Variants in NFIA observed in about 807,000 individuals in gnomAD.
NFIA encodes the protein nuclear factor I A, also known as nuclear factor 1 A-type.
A neutral mutation model predicts 62.8 loss-of-function variants in NFIA; 8 were observed. The observed-to-expected ratio is 0.13, with a 90% CI of 0.07 to 0.23. The LOEUF is 0.23. Among genes scored for constraint, NFIA ranks in the 10% least tolerant of loss-of-function variants. The pLI is 1.00. For missense variants in NFIA, 410 were observed against 642.1 expected (o/e 0.64, Z 3.91); for synonymous variants, 235 against 238.1 (o/e 0.99, Z 0.12).
chr1:61,218,366 G>T (rs1354483201), intron 2 of NFIA, among the ~76,000 whole-genome samples: 1 of 152,200 alleles, frequency 6.6e-6, no homozygotes, highest in African/African-American at 2.4e-5. Flanking sequence ...AGTGGTGTAT[G>T]TTGGAGTATA....
intron 3 of NFIA, among the ~76,000 whole-genome samples, chr1:61,286,703 T>C (rs1658523883): frequency 6.6e-6 from 1 of 152,200 alleles, no homozygotes; most frequent in South Asian, 2.1e-4. Context: ...ATCAGCTGAT[T>C]AATACACATG....
chr1:61,188,898 C>T (rs1046527591), intron 2 of NFIA, among the ~76,000 whole-genome samples: 2 of 152,134 alleles, frequency 1.3e-5, no homozygotes, highest in African/African-American at 4.8e-5. Flanking sequence ...GGTCAAATTA[C>T]TTAGGTACAA....
chr1:61,077,493 A>T (rs1570098377), upstream of NFIA: 2 of 836,240 alleles, frequency 2.4e-6, no homozygotes, highest in Non-Finnish European at 1.7e-6. Flanking sequence ...ACAGCTTTTT[A>T]AAAAATCTCT....
chr1:61,415,653 G>T (rs1198995481), intron 9 of NFIA, among the ~76,000 whole-genome samples: 1 of 152,014 alleles, frequency 6.6e-6, no homozygotes, highest in African/African-American at 2.4e-5. Context: ...ACACAATATT[G>T]GTAAGCATGT....
chr1:61,274,389 C>T (rs186676554), intron 2 of NFIA, among the ~76,000 whole-genome samples: 1 of 152,074 alleles, frequency 6.6e-6, no homozygotes, highest in Non-Finnish European at 1.5e-5. Flanking sequence ...AATTGATAAC[C>T]CTAATGTACT....
At chr1:61,137,607 G>A (rs1398591282) in intron 2 of NFIA, among the ~76,000 whole-genome samples, 2 of 151,954 alleles carry the variant, frequency 1.3e-5, no homozygotes. Context: ...CTCAACCTTG[G>A]CTGCCCATTT....
At chr1:61,175,543 T>G (rs1486270095) in intron 2 of NFIA, among the ~76,000 whole-genome samples, 1 of 152,192 alleles carries the variant, frequency 6.6e-6, no homozygotes, top group Non-Finnish European at 1.5e-5. Context: ...ATTGTTAGGG[T>G]AGAGTACCAA....
chr1:61,126,582 T>C (rs558447020), intron 2 of NFIA, among the ~76,000 whole-genome samples: 19 of 152,154 alleles, frequency 1.2e-4, no homozygotes, highest in African/African-American at 4.1e-4. Context: ...GAAGATACTT[T>C]AGTTTCATCT....
chr1:61,150,738 G>A (rs560085321), intron 2 of NFIA, among the ~76,000 whole-genome samples: 2 of 152,266 alleles, frequency 1.3e-5, no homozygotes, highest in African/African-American at 2.4e-5. Context: ...CAAAGAGCCC[G>A]ATCGAATACT....
chr1:61,183,085 G>C (rs1650865326), intron 2 of NFIA, among the ~76,000 whole-genome samples: 1 of 152,008 alleles, frequency 6.6e-6, no homozygotes, highest in Non-Finnish European at 1.5e-5. Flanking sequence ...CTATAGTACT[G>C]GTAAAATGGC....
At chr1:61,152,455 T>A (rs1648487591) in intron 2 of NFIA, among the ~76,000 whole-genome samples, 1 of 152,182 alleles carries the variant, frequency 6.6e-6, no homozygotes, top group Non-Finnish European at 1.5e-5. Flanking sequence ...ATAAAATCCT[T>A]TCCAAGGCAT....
At chr1:61,339,790 A>AT (rs11302263) in intron 4 of NFIA, among the ~76,000 whole-genome samples, 2 of 151,800 alleles carry the variant, frequency 1.3e-5, no homozygotes, top group African/African-American at 4.8e-5. Context: ...GCCAAGCTTG[A>AT]TTTTTTTCCT....
At chr1:61,121,358 G>A (rs560345248) in intron 2 of NFIA, among the ~76,000 whole-genome samples, 70 of 152,248 alleles carry the variant, frequency 4.6e-4, no homozygotes, top group African/African-American at 1.3e-3. Flanking sequence ...GAATGTAAAA[G>A]TATGCTGTAT....
upstream of NFIA, among the ~76,000 whole-genome samples, chr1:61,078,982 TTGGGAAG>T (rs1383400271): frequency 6.6e-6 from 1 of 152,140 alleles, no homozygotes; most frequent in Non-Finnish European, 1.5e-5. Context: ...CCCAATTCTG[TTGGGAAG>T]TGAATGGAAA....
intron 2 of NFIA, among the ~76,000 whole-genome samples, chr1:61,124,169 T>C (rs575915206): frequency 6.6e-6 from 1 of 152,306 alleles, no homozygotes; most frequent in East Asian, 1.9e-4. Context: ...GTTCTAGCTG[T>C]GTATGATCAT....
rs753728092 is a variant in NFIA, at chr1:61,462,681, A to T, written c.*7361A>T. Reference sequence around the variant, plus strand: ...TGGTGTGGATTAGTTTAACTCTTGTATTCAACCATTAGTGCTACCACCTTC... The same window carrying T: ...TGGTGTGGATTAGTTTAACTCTTGTTTTCAACCATTAGTGCTACCACCTTC... On this transcript the variant is annotated 3_prime_UTR_variant, in exon 11 of 11. Coordinates refer to ENST00000403491, the MANE Select transcript of NFIA (RefSeq NM_001134673.4). 15 of 152,212 alleles carry T rather than the reference A, an allele frequency of 9.9e-5. No individual in the cohort carries two copies. The highest frequency in any genetic ancestry group is 3.4e-4 in the African/African-American group (14 of 41,444). 9.4% of individuals were successfully genotyped at this position (152,212 alleles called of 1,614,324 possible). A position where few individuals can be genotyped will look rare whatever the true frequency, so the allele number is the denominator to read the frequency against.
At chr1:61,392,837 A>T (rs1665049281) in intron 7 of NFIA, among the ~76,000 whole-genome samples, 1 of 152,210 alleles carries the variant, frequency 6.6e-6, no homozygotes, top group African/African-American at 2.4e-5. Context: ...AACCCAGGGG[A>T]CCTGGATTTA....
At chr1:61,231,193 T>C (rs1654650944) in intron 2 of NFIA, among the ~76,000 whole-genome samples, 1 of 152,234 alleles carries the variant, frequency 6.6e-6, no homozygotes, top group South Asian at 2.1e-4. Context: ...GATAATTTTA[T>C]AGTTACACAG....
chr1:61,443,798 G>A (rs1290153757), intron 10 of NFIA, among the ~76,000 whole-genome samples: 1 of 152,152 alleles, frequency 6.6e-6, no homozygotes, highest in Non-Finnish European at 1.5e-5. Flanking sequence ...TGCCCATGAA[G>A]ATGATGGCTG....
Sources: allele counts gnomAD v4.1 joint callset (sites outside exome capture counted in the v4.1 genomes callset), GRCh38; gene constraint gnomAD v4.1.1; transcripts MANE v1.5; gene names NCBI Gene and HGNC (gene_info 2026-07-23, HGNC 2026-07-21).